The following UBE2G2 variants were observed in gnomAD, a reference collection of about 807,000 sequenced individuals.
The protein encoded by UBE2G2 is ubiquitin conjugating enzyme E2 G2, also known as ubiquitin-conjugating enzyme E2 G2.
Under a neutral mutation model 23.0 loss-of-function variants are expected in UBE2G2, and 10 were observed. The observed-to-expected ratio is 0.43, with a 90% CI of 0.27 to 0.74. The LOEUF (loss-of-function observed/expected upper bound fraction) is 0.74. UBE2G2 is among the 30% of genes least tolerant of loss of function. The pLI, the probability that UBE2G2 is intolerant of heterozygous loss-of-function variation, is 0.19. For synonymous variants in UBE2G2, 86 were observed against 81.3 expected (o/e 1.06, Z -0.31); for missense variants, 150 against 218.3 (o/e 0.69, Z 1.97).
chr21:44,796,484 T>C (rs1323986893), intron 1 of UBE2G2, among the ~76,000 whole-genome samples: 1 of 152,120 alleles, frequency 6.6e-6, no homozygotes, highest in Non-Finnish European at 1.5e-5. Context: ...TTAAAATACG[T>C]TATGAGGACA....
At chr21:44,795,297 A>C (rs2083077911) in intron 1 of UBE2G2, among the ~76,000 whole-genome samples, 1 of 152,000 alleles carries the variant, frequency 6.6e-6, no homozygotes, top group South Asian at 2.1e-4. Flanking sequence ...AATAAAACAA[A>C]ACCTCAGTAA....
chr21:44,799,166 C>T (rs556054367), intron 1 of UBE2G2, among the ~76,000 whole-genome samples: 21 of 152,278 alleles, frequency 1.4e-4, no homozygotes, highest in Non-Finnish European at 2.6e-4. Flanking sequence ...GGTTGTTTTT[C>T]CATCTCTAGA....
chr21:44,801,629 C>T (rs1400888671), intron 1 of UBE2G2, 77 bp downstream of exon 1: 7 of 1,470,480 alleles, frequency 4.8e-6, no homozygotes, highest in Non-Finnish European at 6.3e-6. Flanking sequence ...AGGCTCCCTG[C>T]CCCAGCCCCG....
chr21:44,801,754 C>A lies in UBE2G2; in HGVS notation c.-6G>T. ...TTGAGCGCGGTCCCCGCCATGGCCC[C>A]GCAACAGCTGCGCCGAGCGACCTCG... On this transcript the variant is annotated 5_prime_UTR_variant, in exon 1 of 6. Transcript: ENST00000345496. 2 of 1,519,232 alleles carry A rather than the reference C, an allele frequency of 1.3e-6. No homozygotes were observed. Among genetic ancestry groups the A allele is most frequent in the Non-Finnish European group, 1.8e-6 (2 of 1,135,772 alleles). 94.1% of individuals were successfully genotyped at this position (1,519,232 alleles called of 1,614,324 possible). A position where few individuals can be genotyped will look rare whatever the true frequency, so the allele number is the denominator to read the frequency against.
chr21:44,782,318 G>A (rs185918149), intron 3 of UBE2G2, among the ~76,000 whole-genome samples: 2 of 152,114 alleles, frequency 1.3e-5, no homozygotes, highest in African/African-American at 4.8e-5. Context: ...TAAATAAATG[G>A]AGAGACAGTC....
chr21:44,798,052 G>T (rs189653634), intron 1 of UBE2G2, among the ~76,000 whole-genome samples: 1 of 152,108 alleles, frequency 6.6e-6, no homozygotes, highest in Non-Finnish European at 1.5e-5. Context: ...CAGCTACTCA[G>T]GTGGATTAAG....
At chr21:44,793,164 T>C (rs2083058273) in intron 1 of UBE2G2, among the ~76,000 whole-genome samples, 1 of 152,206 alleles carries the variant, frequency 6.6e-6, no homozygotes, top group African/African-American at 2.4e-5. Flanking sequence ...AATAACAGAT[T>C]ACGGCAGATA....
At chr21:44,795,187 C>A (rs1022140931) in intron 1 of UBE2G2, among the ~76,000 whole-genome samples, 1 of 152,058 alleles carries the variant, frequency 6.6e-6, no homozygotes, top group East Asian at 1.9e-4. Flanking sequence ...TACTTGAAGC[C>A]AGGAGGCAGA....
chr21:44,789,496 T>C (rs562553268), intron 1 of UBE2G2, among the ~76,000 whole-genome samples: 228 of 151,224 alleles, frequency 1.5e-3, no homozygotes, highest in African/African-American at 5.2e-3. Context: ...CAAAGTTAAA[T>C]TGAACAATGG....
intron 1 of UBE2G2, among the ~76,000 whole-genome samples, chr21:44,792,944 A>C (rs2083056940): frequency 6.6e-6 from 1 of 152,208 alleles, no homozygotes; most frequent in Non-Finnish European, 1.5e-5. Flanking sequence ...GGTGGGTGGG[A>C]ACTGAATGTG....
chr21:44,791,044 T>C (rs1224568992), intron 1 of UBE2G2, among the ~76,000 whole-genome samples: 1 of 152,154 alleles, frequency 6.6e-6, no homozygotes, highest in Non-Finnish European at 1.5e-5. Flanking sequence ...GGAGCAATGG[T>C]CACCCTTGCT....
chr21:44,786,072 C>G (rs1000419312), intron 3 of UBE2G2, among the ~76,000 whole-genome samples: 1 of 65,336 alleles, frequency 1.5e-5, no homozygotes, highest in Admixed American at 1.4e-4. Context: ...TACGGAGGAG[C>G]CAACACCCCA....
rs2082883035 is a variant in UBE2G2 at position 44,772,728 on chromosome 21, G to A, written c.385+819C>T. Among the ~76,000 whole-genome samples the A allele has an allele frequency of 6.6e-6, 1 of 152,134 alleles. No homozygotes were observed. Among genetic ancestry groups the A allele is most frequent in the Non-Finnish European group, 1.5e-5 (1 of 68,022 alleles). On this transcript the variant is annotated intron_variant, in intron 5 of 5. Transcript: ENST00000345496. This position sits in a 1 kb window ranked among gnomAD's most constrained non-coding sequence, Gnocchi z 5.4. ...CAAAGAACCAGGAGTCCCAGAGCCT[G>A]TACCTTCAAGGTCTCCCAAACCCAC...
rs376192751 is a variant in UBE2G2, at chr21:44,774,994, G to A, written c.245-1307C>T. The A allele has an allele frequency of 2.7e-4, 80 of 292,488 alleles. 1 individual carries two copies. Among genetic ancestry groups the A allele is most frequent in the South Asian group, 1.6e-3 (58 of 35,948 alleles). 18.1% of individuals were successfully genotyped at this position (292,488 alleles called of 1,614,324 possible). On this transcript the variant is annotated intron_variant, in intron 4 of 5. Coordinates refer to ENST00000345496, the MANE Select transcript of UBE2G2 (RefSeq NM_003343.6). ...GTCTCTACCCTAGACCACTACAGCC[G>A]AGGGCCTGCCTGGCTTCCTCCCACC... is the stretch of plus-strand genomic sequence containing the variant.
Position 44,771,259 on chromosome 21 carries a change from A to T in UBE2G2, c.*118T>A, listed in dbSNP as rs1060564. ...AGGTTTGAAAAAAAAAAAAGATGCC[A>T]TGGTTCTTGCAAGTCTGCCTTGTTT... On this transcript the variant is annotated 3_prime_UTR_variant, in exon 6 of 6. Transcript: ENST00000345496. The surrounding 1 kb of genome is among the most constrained non-coding windows in gnomAD (Gnocchi z 4.6). 1.2e-6 allele frequency: 1 copy of T among 828,340 alleles called. No homozygotes were observed. The highest frequency in any genetic ancestry group is 1.9e-6 in the Non-Finnish European group (1 of 531,698). The allele number at this position is 828,340 out of a possible 1,614,324, so 51.3% of individuals were successfully genotyped here.
intron 1 of UBE2G2, among the ~76,000 whole-genome samples, chr21:44,798,475 A>G (rs1364833105): frequency 6.6e-6 from 1 of 152,256 alleles, no homozygotes; most frequent in Non-Finnish European, 1.5e-5. Context: ...ACTGGAGTCA[A>G]TACCCTCAAA....
In UBE2G2 at chr21:44,801,787, C is replaced by A. The variant is rs1232942254; in HGVS notation, c.-39G>T. The A allele has an allele frequency of 3.3e-6, 5 of 1,504,404 alleles. No homozygotes were observed. Among genetic ancestry groups the A allele is most frequent in the Non-Finnish European group, 4.4e-6 (5 of 1,130,408 alleles). 93.2% of individuals were successfully genotyped at this position (1,504,404 alleles called of 1,614,324 possible). On this transcript the variant is annotated 5_prime_UTR_variant, in exon 1 of 6. Transcript: ENST00000345496. ...CTGCGCCGAGCGACCTCGCCTCAGC[C>A]GCGCGCGTGCCTCCTGCCCCGACAC...
Position 44,772,041 on chromosome 21 carries a change from G to A in UBE2G2, c.386-552C>T, listed in dbSNP as rs1164325171. ...CGGCACTGGCAGTCACTGCAGAACTGCAGTTAGGAGGCACGGAGGGAGTAG... is the reference window on the plus strand; with the variant it reads ...CGGCACTGGCAGTCACTGCAGAACTACAGTTAGGAGGCACGGAGGGAGTAG... On this transcript the variant is annotated intron_variant, in intron 5 of 5. Transcript: ENST00000345496. The surrounding 1 kb of genome is among the most constrained non-coding windows in gnomAD (Gnocchi z 5.4). 6.6e-6 allele frequency among the ~76,000 whole-genome samples: 1 copy of A among 152,230 alleles called. No individual in the cohort carries two copies. Among genetic ancestry groups the A allele is most frequent in the Non-Finnish European group, 1.5e-5 (1 of 68,034 alleles).
intron 1 of UBE2G2, among the ~76,000 whole-genome samples, chr21:44,795,569 C>T (rs1601198160): frequency 1.3e-5 from 2 of 151,522 alleles, no homozygotes; most frequent in East Asian, 3.9e-4. Context: ...GAGGCAGAGG[C>T]TGCCATGAGC....
Sources: allele counts gnomAD v4.1 joint callset (sites outside exome capture counted in the v4.1 genomes callset), GRCh38; gene constraint gnomAD v4.1.1; non-coding constraint Gnocchi (gnomAD v3.1); transcripts MANE v1.5; gene names NCBI Gene and HGNC (gene_info 2026-07-23, HGNC 2026-07-21).